The following MBD5 variants were observed in gnomAD, a reference collection of about 807,000 sequenced individuals.
MBD5 encodes the protein methyl-CpG-binding domain protein 5.
MBD5 carries 13 observed loss-of-function variants against 117.3 expected under a neutral mutation model. The observed-to-expected ratio is 0.11, with a 90% confidence interval of 0.07 to 0.18. The LOEUF is 0.18. MBD5 is among the 10% of genes least tolerant of loss of function. The probability of loss-of-function intolerance (pLI) is 1.00; values close to 1 mark genes in which losing one functional copy is unlikely to be tolerated. For missense variants in MBD5, 1,879 were observed against 2,093.8 expected (o/e 0.90, Z 2.00); for synonymous variants, 727 against 766.4 (o/e 0.95, Z 0.85).
At chr2:148,061,890 C>G (rs535863514) in intron 1 of MBD5, among the ~76,000 whole-genome samples, 2 of 149,868 alleles carry the variant, frequency 1.3e-5, no homozygotes, top group East Asian at 2.0e-4. Flanking sequence ...TTTTTCAGGT[C>G]CTCAGGATTT....
At chr2:148,063,623 G>A (rs1196412008) in intron 1 of MBD5, among the ~76,000 whole-genome samples, 1 of 151,954 alleles carries the variant, frequency 6.6e-6, no homozygotes, top group Non-Finnish European at 1.5e-5. Context: ...ACATATTTTG[G>A]ATGACACTGC....
intron 3 of MBD5, among the ~76,000 whole-genome samples, chr2:148,313,782 G>A (rs931224513): frequency 2.0e-5 from 3 of 152,158 alleles, no homozygotes; most frequent in Non-Finnish European, 4.4e-5. Context: ...GGCACCCAAG[G>A]GAATCTCCTG....
chr2:148,158,402 G>T (rs1292860198), intron 1 of MBD5, among the ~76,000 whole-genome samples: 1 of 152,110 alleles, frequency 6.6e-6, no homozygotes, highest in Non-Finnish European at 1.5e-5. Context: ...GGTTTAAATG[G>T]CAGGTTTTTC....
intron 1 of MBD5, among the ~76,000 whole-genome samples, chr2:148,142,278 A>G (rs73964454): frequency 0.014 from 2,116 of 152,278 alleles, 42 homozygotes; most frequent in African/African-American, 0.048. Flanking sequence ...TAAATAATAA[A>G]TACCCACACT....
intron 4 of MBD5, among the ~76,000 whole-genome samples, chr2:148,417,964 C>T (rs957371443): frequency 5.9e-5 from 9 of 151,948 alleles, no homozygotes; most frequent in Non-Finnish European, 1.0e-4. Flanking sequence ...CTCAGCCTCA[C>T]GAGTAGCTGA....
intron 1 of MBD5, among the ~76,000 whole-genome samples, chr2:148,050,394 A>C (rs1347156859): frequency 3.9e-5 from 6 of 152,194 alleles, no homozygotes; most frequent in Admixed American, 2.6e-4. Context: ...ATCCTTTTCC[A>C]CTTTTTCGTG....
At chr2:148,248,689 T>C (rs1700398745) in intron 3 of MBD5, among the ~76,000 whole-genome samples, 1 of 152,074 alleles carries the variant, frequency 6.6e-6, no homozygotes. Context: ...TGATATGACA[T>C]TCCTGAGGAA....
intron 2 of MBD5, among the ~76,000 whole-genome samples, chr2:148,228,528 G>A (rs1229589233): frequency 6.6e-5 from 10 of 152,116 alleles, no homozygotes; most frequent in Admixed American, 6.6e-4. Flanking sequence ...TTTTATTGAG[G>A]ATTTTTGCAT....
At chr2:148,217,637 T>C (rs1699588028) in intron 2 of MBD5, among the ~76,000 whole-genome samples, 1 of 152,240 alleles carries the variant, frequency 6.6e-6, no homozygotes, top group South Asian at 2.1e-4. Context: ...TGGATGTGTG[T>C]TTCTTCTCTC....
intron 1 of MBD5, among the ~76,000 whole-genome samples, chr2:148,169,761 C>G (rs537246944): frequency 6.6e-6 from 1 of 152,214 alleles, no homozygotes; most frequent in East Asian, 1.9e-4. Flanking sequence ...TCAGTGAGCT[C>G]ACATCCTACT....
chr2:148,025,590 T>G (rs1693870139), intron 1 of MBD5: 1 of 151,592 alleles, frequency 6.6e-6, no homozygotes, highest in African/African-American at 2.4e-5. Context: ...CTTAAATCTT[T>G]TTCTCAAAAG....
chr2:148,417,799 A>G (rs80091741), intron 4 of MBD5, among the ~76,000 whole-genome samples: 11,459 of 151,102 alleles, frequency 0.076, 711 homozygotes, highest in East Asian at 0.3. Context: ...CCACTTTTTA[A>G]TGGGTTGGGT....
chr2:148,063,944 C>T (rs900584986), intron 1 of MBD5, among the ~76,000 whole-genome samples: 1 of 151,868 alleles, frequency 6.6e-6, no homozygotes, highest in Non-Finnish European at 1.5e-5. Flanking sequence ...TTTCTCCTAC[C>T]ATTGCCACCC....
chr2:148,384,941 C>T (rs1704297761), intron 4 of MBD5, among the ~76,000 whole-genome samples: 1 of 152,086 alleles, frequency 6.6e-6, no homozygotes. Flanking sequence ...CCCTTCCTTA[C>T]ACCTTATACA....
intron 3 of MBD5, among the ~76,000 whole-genome samples, chr2:148,326,396 A>C (rs1261986246): frequency 6.6e-6 from 1 of 151,844 alleles, no homozygotes; most frequent in Non-Finnish European, 1.5e-5. Context: ...ATCCTTGTTG[A>C]CTTTCTGTCT....
At chr2:148,398,445 G>A (rs1239118908) in intron 4 of MBD5, among the ~76,000 whole-genome samples, 2 of 152,106 alleles carry the variant, frequency 1.3e-5, no homozygotes, top group Non-Finnish European at 2.9e-5. Context: ...CTGCATAAAT[G>A]TCTTCTTTTG....
chr2:148,315,840 T>TCAAGA (rs767447488), intron 3 of MBD5, among the ~76,000 whole-genome samples: 23 of 152,196 alleles, frequency 1.5e-4, no homozygotes, highest in Non-Finnish European at 2.9e-4. Context: ...GTGCTAATCT[T>TCAAGA]CAAGACTAAT....
intron 1 of MBD5, chr2:148,027,925 C>T (rs906146523): frequency 2.0e-5 from 3 of 151,970 alleles, no homozygotes; most frequent in East Asian, 1.9e-4. Flanking sequence ...TTAAACAACC[C>T]AAAGATAATT....
rs557241421 is a variant in MBD5 at position 148,513,385 on chromosome 2, C to T, written c.*444C>T. On this transcript the variant is annotated 3_prime_UTR_variant, in exon 14 of 14. Coordinates refer to ENST00000642680, the MANE Select transcript of MBD5 (RefSeq NM_001378120.1). ...GTACAAAGAAATAGTGTACAAAATT[C>T]TTTGGTTTCTATGGAGTACACCTAC... The T allele has an allele frequency of 5.8e-6, 1 of 171,864 alleles. No homozygotes were observed. Among genetic ancestry groups the T allele is most frequent in the African/African-American group, 2.4e-5 (1 of 41,776 alleles). The allele number at this position is 171,864 out of a possible 1,614,324, so 10.6% of individuals were successfully genotyped here.
Sources: gnomAD v4.1 joint callset for allele counts (sites outside exome capture counted in the v4.1 genomes callset) on GRCh38, gnomAD v4.1.1 for gene constraint, MANE v1.5 for transcripts, NCBI Gene and HGNC (gene_info 2026-07-23, HGNC 2026-07-21) for gene names.